Variants in LRRC4C observed in about 807,000 individuals in gnomAD.
LRRC4C encodes leucine-rich repeat-containing protein 4C.
Under a neutral mutation model 33.6 loss-of-function variants are expected in LRRC4C, and 5 were observed. The observed-to-expected ratio is 0.15, with a 90% CI of 0.08 to 0.31. LRRC4C has a LOEUF of 0.31. Ranked by LOEUF, LRRC4C falls within the 10% of genes least tolerant of loss-of-function variation. The pLI is 1.00. For synonymous variants in LRRC4C, 329 were observed against 302.0 expected (o/e 1.09, Z -0.93); for missense variants, 560 against 796.7 (o/e 0.70, Z 3.58).
At chr11:41,071,640 A>T (rs1211863842) in intron 1 of LRRC4C, among the ~76,000 whole-genome samples, 1 of 152,220 alleles carries the variant, frequency 6.6e-6, no homozygotes, top group Non-Finnish European at 1.5e-5. Context: ...TAATGTTTTC[A>T]TGCCTGCTAA....
At chr11:41,012,638 T>G (rs1488417881) in intron 1 of LRRC4C, among the ~76,000 whole-genome samples, 1 of 152,198 alleles carries the variant, frequency 6.6e-6, no homozygotes, top group Non-Finnish European at 1.5e-5. Context: ...AGTTCTATTT[T>G]TAGATTTTTG....
At chr11:41,185,483 T>C (rs776047729) in intron 1 of LRRC4C, among the ~76,000 whole-genome samples, 1 of 152,152 alleles carries the variant, frequency 6.6e-6, no homozygotes, top group Non-Finnish European at 1.5e-5. Flanking sequence ...AAACAGAAAA[T>C]CTGCATGTAG....
intron 5 of LRRC4C, among the ~76,000 whole-genome samples, chr11:40,197,465 A>T (rs1226135632): frequency 6.6e-6 from 1 of 152,166 alleles, no homozygotes; most frequent in East Asian, 1.9e-4. Flanking sequence ...GAAATGACCA[A>T]AGCTTCCACA....
At chr11:40,189,853 T>G (rs2135593173) in intron 5 of LRRC4C, among the ~76,000 whole-genome samples, 1 of 152,318 alleles carries the variant, frequency 6.6e-6, no homozygotes, top group Non-Finnish European at 1.5e-5. Flanking sequence ...TAGGTTAACT[T>G]TTTAAACATA....
intron 2 of LRRC4C, among the ~76,000 whole-genome samples, chr11:40,742,697 T>A (rs1948217230): frequency 2.0e-5 from 3 of 152,082 alleles, no homozygotes; most frequent in Non-Finnish European, 4.4e-5. Context: ...CATATTTTAA[T>A]AATCTAGTAC....
intron 1 of LRRC4C, among the ~76,000 whole-genome samples, chr11:41,203,307 T>C (rs772691036): frequency 1.3e-4 from 20 of 152,120 alleles, no homozygotes; most frequent in Admixed American, 5.2e-4. Flanking sequence ...TGAATATAAA[T>C]CCTTTCATTT....
At chr11:41,035,692 G>T (rs184467880) in intron 1 of LRRC4C, among the ~76,000 whole-genome samples, 22 of 152,082 alleles carry the variant, frequency 1.4e-4, no homozygotes, top group African/African-American at 5.1e-4. Flanking sequence ...TTAGAATTGG[G>T]AATAATACAT....
At chr11:40,359,608 G>T (rs1260046043) in intron 3 of LRRC4C, among the ~76,000 whole-genome samples, 1 of 151,956 alleles carries the variant, frequency 6.6e-6, no homozygotes, top group Non-Finnish European at 1.5e-5. Flanking sequence ...AATTTATTTT[G>T]TGACTAGATT....
chr11:40,213,377 C>T (rs1863747995), intron 5 of LRRC4C, among the ~76,000 whole-genome samples: 1 of 152,072 alleles, frequency 6.6e-6, no homozygotes, highest in African/African-American at 2.4e-5. Flanking sequence ...GTTGTGTGAC[C>T]ATCACCAGTT....
intron 6 of LRRC4C, among the ~76,000 whole-genome samples, chr11:40,138,170 CTT>C (rs61229648): frequency 1.9e-4 from 27 of 141,652 alleles, no homozygotes; most frequent in East Asian, 2.1e-4. Flanking sequence ...GACATTTTTT[CTT>C]TTTTTTTTTT....
chr11:40,257,563 C>T (rs569347037), intron 4 of LRRC4C, among the ~76,000 whole-genome samples: 3 of 152,230 alleles, frequency 2.0e-5, no homozygotes, highest in South Asian at 4.1e-4. Flanking sequence ...CATCTTGACT[C>T]GCCTAAGACA....
At chr11:41,104,702 A>C (rs1470888328) in intron 1 of LRRC4C, among the ~76,000 whole-genome samples, 2 of 151,952 alleles carry the variant, frequency 1.3e-5, no homozygotes, top group Non-Finnish European at 2.9e-5. Context: ...TAAAAAGTGA[A>C]AACAATAAAA....
intron 1 of LRRC4C, among the ~76,000 whole-genome samples, chr11:41,430,738 G>A (rs1272014939): frequency 2.6e-5 from 4 of 151,932 alleles, no homozygotes; most frequent in African/African-American, 4.8e-5. Context: ...GATATGCTAC[G>A]TTAATTTAAA....
intron 4 of LRRC4C, among the ~76,000 whole-genome samples, chr11:40,314,794 G>A (rs1358120048): frequency 6.6e-6 from 1 of 151,996 alleles, no homozygotes; most frequent in Non-Finnish European, 1.5e-5. Flanking sequence ...AAATAAGCCA[G>A]GAATGGAAAG....
chr11:41,410,136 C>G (rs767131937), intron 1 of LRRC4C, among the ~76,000 whole-genome samples: 1 of 152,110 alleles, frequency 6.6e-6, no homozygotes, highest in Non-Finnish European at 1.5e-5. Context: ...TATTCTGCAC[C>G]GGCTTGGACC....
At chr11:40,324,666 A>G (rs1807767175) in intron 3 of LRRC4C, among the ~76,000 whole-genome samples, 1 of 152,248 alleles carries the variant, frequency 6.6e-6, no homozygotes, top group African/African-American at 2.4e-5. Flanking sequence ...AAGCATGAGA[A>G]AGAACAATTC....
At chr11:40,444,362 T>G (rs1201973791) in intron 3 of LRRC4C, among the ~76,000 whole-genome samples, 2 of 150,334 alleles carry the variant, frequency 1.3e-5, no homozygotes, top group East Asian at 3.9e-4. Context: ...ATTTTTCTTT[T>G]TTTTTTAAAT....
intron 2 of LRRC4C, among the ~76,000 whole-genome samples, chr11:40,922,665 A>T (rs1054781207): frequency 6.6e-6 from 1 of 152,152 alleles, no homozygotes; most frequent in Non-Finnish European, 1.5e-5. Flanking sequence ...ATAACTTTAT[A>T]CTCTTCTTTG....
chr11:40,473,519 A>G (rs1169477763), intron 3 of LRRC4C, among the ~76,000 whole-genome samples: 1 of 152,206 alleles, frequency 6.6e-6, no homozygotes, highest in East Asian at 1.9e-4. Context: ...AAAAACTGGA[A>G]GCATTCCCTT....
Sources: allele counts gnomAD v4.1 joint callset (sites outside exome capture counted in the v4.1 genomes callset), GRCh38; gene constraint gnomAD v4.1.1; transcripts MANE v1.5; gene names NCBI Gene and HGNC (gene_info 2026-07-23, HGNC 2026-07-21).